Variants in SLC45A4 observed in about 807,000 individuals in gnomAD.
SLC45A4 encodes the protein solute carrier family 45 member 4, also known as polyamine-transporter SLC45A4.
In SLC45A4, 32 loss-of-function variants were observed where a neutral mutation model predicts 63.7. The observed-to-expected ratio is 0.50, with a 90% CI of 0.38 to 0.67. The LOEUF is 0.67. SLC45A4 is among the 30% of genes least tolerant of loss of function. The probability of loss-of-function intolerance (pLI) is 0.00; values close to 1 mark genes in which losing one functional copy is unlikely to be tolerated. For synonymous variants in SLC45A4, 535 were observed against 510.0 expected, an observed-to-expected ratio of 1.05 and a Z score of -0.66; for missense variants, 1,027 against 1,157.7, an observed-to-expected ratio of 0.89 and a Z score of 1.64.
intron 2 of SLC45A4, among the ~76,000 whole-genome samples, chr8:141,240,561 C>T (rs1827861583): frequency 2.6e-5 from 4 of 152,184 alleles, no homozygotes; most frequent in Admixed American, 2.6e-4. Flanking sequence ...CCTGGTTCCA[C>T]AACACGCTTT....
At chr8:141,264,027 G>C (rs777117314) in intron 1 of SLC45A4, among the ~76,000 whole-genome samples, 35 of 152,260 alleles carry the variant, frequency 2.3e-4, no homozygotes, top group Non-Finnish European at 4.9e-4. Flanking sequence ...TCAGTTAAAG[G>C]GCCAAGGCTG....
At chr8:141,284,446 G>A (rs548732997) in intron 1 of SLC45A4, among the ~76,000 whole-genome samples, 8 of 152,358 alleles carry the variant, frequency 5.3e-5, no homozygotes, top group East Asian at 3.9e-4. Context: ...GAAAGTTGGC[G>A]GGGCTGGCGA....
Position 141,240,619 on chromosome 8 carries a change from G to T in SLC45A4, c.241+13370C>A, listed in dbSNP as rs562190834. On this transcript the variant is annotated intron_variant, in intron 2 of 8. Transcript: ENST00000517878. Reference sequence around the variant, plus strand: ...CCCAGTGGTGGGGACAGTGCCTGTTGTCCCAGCACTTGGGGAGGTTGAGGT... The same window carrying T: ...CCCAGTGGTGGGGACAGTGCCTGTTTTCCCAGCACTTGGGGAGGTTGAGGT... Among the ~76,000 whole-genome samples, 3 of 152,298 alleles carry T rather than the reference G, an allele frequency of 2.0e-5. No individual in the cohort carries two copies. The South Asian group carries it at 6.2e-4, about 32-fold the overall frequency.
chr8:141,269,150 G>A (rs1829408707), intron 1 of SLC45A4, among the ~76,000 whole-genome samples: 2 of 152,350 alleles, frequency 1.3e-5, no homozygotes, highest in East Asian at 1.9e-4. Context: ...GACAGCTCCA[G>A]GCTGCGCTGT....
intron 2 of SLC45A4, chr8:141,252,580 T>TTTTCACGCCCAC: frequency 7.5e-6 from 1 of 133,588 alleles, no homozygotes; most frequent in East Asian, 2.0e-4. Flanking sequence ...CCTGCGAGTG[T>TTTTCACGCCCAC]CTGTGAATTT....
intron 7 of SLC45A4, among the ~76,000 whole-genome samples, chr8:141,214,987 C>T (rs1367980358): frequency 6.6e-6 from 1 of 152,236 alleles, no homozygotes; most frequent in Non-Finnish European, 1.5e-5. Context: ...TGCAGTGCTA[C>T]CTGTGACGGC....
At chr8:141,265,702 T>C (rs10088801) in intron 1 of SLC45A4, among the ~76,000 whole-genome samples, 41,994 of 152,096 alleles carry the variant, frequency 0.28, 6,101 homozygotes, top group East Asian at 0.39. Flanking sequence ...AGAGCTGCTG[T>C]CGCCTCAGCT....
intron 3 of SLC45A4, among the ~76,000 whole-genome samples, chr8:141,221,211 C>CA (rs1200836864): frequency 6.6e-6 from 1 of 152,238 alleles, no homozygotes; most frequent in African/African-American, 2.4e-5. Flanking sequence ...ACCAAGAAGG[C>CA]AAAACACAAA....
intron 1 of SLC45A4, among the ~76,000 whole-genome samples, chr8:141,269,522 G>A (rs1829427503): frequency 6.6e-6 from 1 of 151,416 alleles, no homozygotes; most frequent in African/African-American, 2.4e-5. Flanking sequence ...GTGTATCGAT[G>A]TCTGCCTATG....
At chr8:141,214,729 G>A (rs1014242181) in intron 7 of SLC45A4, among the ~76,000 whole-genome samples, 1 of 152,190 alleles carries the variant, frequency 6.6e-6, no homozygotes, top group Non-Finnish European at 1.5e-5. Flanking sequence ...TGCAAGAATA[G>A]AGAGACTAGC....
At chr8:141,306,094 ATC>A (rs1386385244) in intron 1 of SLC45A4, among the ~76,000 whole-genome samples, 2 of 151,516 alleles carry the variant, frequency 1.3e-5, no homozygotes, top group South Asian at 4.2e-4. Flanking sequence ...ACCCAGTCCA[ATC>A]TCTGATCTGC....
intron 4 of SLC45A4, 40 bp downstream of exon 4, chr8:141,219,610 G>A (rs1362965122): frequency 4.5e-6 from 7 of 1,570,618 alleles, no homozygotes; most frequent in East Asian, 2.3e-5. Context: ...GCCCGGGCAC[G>A]TTGGAACCCG....
At chr8:141,247,037 T>G (rs1391852012) in intron 2 of SLC45A4, among the ~76,000 whole-genome samples, 1 of 151,786 alleles carries the variant, frequency 6.6e-6, no homozygotes, top group African/African-American at 2.4e-5. Context: ...GAGCATAAAT[T>G]AACAAAATAG....
At position 141,306,954 on chromosome 8, in the gene SLC45A4, C is replaced by G. The variant is rs181081631; in HGVS notation, c.-401+1142G>C. On this transcript the variant is annotated intron_variant, in intron 1 of 8. Transcript: ENST00000517878. ...CAAAACAGTAATAAAAACGACAAGC[C>G]CTGTTTTGCTGGAGTCAGCTGAGGT... Among the ~76,000 whole-genome samples the G allele has an allele frequency of 6.3e-4, 96 of 152,302 alleles. 1 individual carries two copies. The highest frequency in any genetic ancestry group is 2.2e-3 in the African/African-American group (92 of 41,562).
At chr8:141,259,223 C>T (rs1828945273) in intron 1 of SLC45A4, among the ~76,000 whole-genome samples, 1 of 152,234 alleles carries the variant, frequency 6.6e-6, no homozygotes, top group Non-Finnish European at 1.5e-5. Context: ...TCCGCATGGC[C>T]ACGGTCAGGG....
chr8:141,224,983 G>C (rs989602208), intron 2 of SLC45A4: 2 of 152,180 alleles, frequency 1.3e-5, no homozygotes, highest in African/African-American at 4.8e-5. Context: ...TGATACTGTA[G>C]TTTTCAGACC....
intron 1 of SLC45A4, among the ~76,000 whole-genome samples, chr8:141,261,819 A>G (rs1454725308): frequency 6.6e-6 from 1 of 152,256 alleles, no homozygotes; most frequent in Admixed American, 6.5e-5. Context: ...TATAGATTCA[A>G]TGCCATCCCC....
intron 1 of SLC45A4, among the ~76,000 whole-genome samples, chr8:141,267,482 T>C (rs906654176): frequency 6.6e-6 from 1 of 152,220 alleles, no homozygotes; most frequent in East Asian, 1.9e-4. Flanking sequence ...GGGAATTGCA[T>C]TTTTGAGGCA....
At chr8:141,290,721 G>C (rs1386494605) in intron 1 of SLC45A4, among the ~76,000 whole-genome samples, 3 of 152,214 alleles carry the variant, frequency 2.0e-5, no homozygotes, top group Non-Finnish European at 2.9e-5. Context: ...CGTTGTCCTT[G>C]GGTCCAGAGA....
Sources: allele counts gnomAD v4.1 joint callset (sites outside exome capture counted in the v4.1 genomes callset), GRCh38; gene constraint gnomAD v4.1.1; transcripts MANE v1.5; gene names NCBI Gene and HGNC (gene_info 2026-07-23, HGNC 2026-07-21).